APPBP2: variants seen among roughly 807,000 people sequenced by gnomAD.
APPBP2 encodes amyloid protein-binding protein 2.
In APPBP2, 15 loss-of-function variants were observed where a neutral mutation model predicts 76.0. That is an observed-to-expected ratio of 0.20 (90% CI 0.13 to 0.30). The LOEUF is 0.30. APPBP2 is among the 10% of genes least tolerant of loss of function. The pLI is 1.00. For synonymous variants in APPBP2, 222 were observed against 242.2 expected (o/e 0.92, Z 0.77); for missense variants, 401 against 687.2 (o/e 0.58, Z 4.66).
intron 1 of APPBP2, among the ~76,000 whole-genome samples, chr17:60,512,956 T>TC (rs2090928323): frequency 5.1e-5 from 7 of 136,998 alleles, no homozygotes; most frequent in Admixed American, 4.7e-4. Context: ...ATTTTTCTTT[T>TC]CCTTTTTTTT....
intron 3 of APPBP2, among the ~76,000 whole-genome samples, chr17:60,485,137 T>C (rs992442419): frequency 2.6e-5 from 4 of 152,214 alleles, no homozygotes; most frequent in African/African-American, 9.6e-5. Context: ...TTCGCATCGA[T>C]GTTCATCAGG....
At chr17:60,507,433 G>A (rs2090877491) in intron 1 of APPBP2, among the ~76,000 whole-genome samples, 3 of 152,176 alleles carry the variant, frequency 2.0e-5, no homozygotes, top group Admixed American at 2.0e-4. Flanking sequence ...TGTTGGCCAG[G>A]CTGGTCTAGA....
chr17:60,479,346 A>G (rs770767414), intron 3 of APPBP2, 75 bp from the exon 4 acceptor site: 1 of 1,388,450 alleles, frequency 7.2e-7, no homozygotes, highest in Non-Finnish European at 9.7e-7. Flanking sequence ...GCTGACAGTG[A>G]ATATTACCTA....
intron 10 of APPBP2, 68 bp downstream of exon 10, chr17:60,456,224 TAAAC>T: frequency 9.3e-7 from 1 of 1,071,074 alleles, no homozygotes. Flanking sequence ...TCTGAGAAAA[TAAAC>T]AAATACCCCT....
chr17:60,458,349 G>A lies in APPBP2; in HGVS notation c.1062-1968C>T, dbSNP rs138161913. On this transcript the variant is annotated intron_variant, in intron 9 of 12. Transcript: ENST00000083182. Reference sequence around the variant, plus strand: ...CTCAGGTGGCTGAGACAGGAGAATCGCTTGAACCTGGGAGGTGGAGAGTGC... The same window carrying A: ...CTCAGGTGGCTGAGACAGGAGAATCACTTGAACCTGGGAGGTGGAGAGTGC... 2.0e-3 allele frequency among the ~76,000 whole-genome samples: 307 copies of A among 151,778 alleles called. 5 individuals carry two copies. In the East Asian group the frequency reaches 0.048, roughly 24 times the overall value.
rs116633776 is a variant in APPBP2, at chr17:60,518,422, T to G, written c.138+7372A>C. 5.9e-3 allele frequency among the ~76,000 whole-genome samples: 792 copies of G among 133,418 alleles called. 26 individuals carry two copies. Among genetic ancestry groups the G allele is most frequent in the African/African-American group, 0.024 (714 of 29,582 alleles). 87.5% of individuals were successfully genotyped at this position (133,418 alleles called of 152,430 possible). ...GTGTAAGAGAGAGAGACAGCTAGTCTTGAACTCTTAGGCTTAAACAATCTG... is the reference window on the plus strand; with the variant it reads ...GTGTAAGAGAGAGAGACAGCTAGTCGTGAACTCTTAGGCTTAAACAATCTG... On this transcript the variant is annotated intron_variant, in intron 1 of 12. Coordinates refer to ENST00000083182, the MANE Select transcript of APPBP2 (RefSeq NM_006380.5).
In APPBP2 at chr17:60,456,398, T is replaced by C. The variant is rs199795790; in HGVS notation, c.1062-17A>G. The C allele has an allele frequency of 2.0e-6, 3 of 1,465,568 alleles. No homozygotes were observed. Among genetic ancestry groups the C allele is most frequent in the Non-Finnish European group, 2.9e-6 (3 of 1,046,480 alleles). The allele number at this position is 1,465,568 out of a possible 1,614,324, so 90.8% of individuals were successfully genotyped here. On this transcript the variant is annotated splice_polypyrimidine_tract_variant and intron_variant, in intron 9 of 12. Coordinates refer to ENST00000083182, the MANE Select transcript of APPBP2 (RefSeq NM_006380.5). ...GCATGAAATCTGTAATACAGATAGA[T>C]ACAGTCTGGCATTTCTTTTTAGTTA...
intron 9 of APPBP2, among the ~76,000 whole-genome samples, chr17:60,459,304 A>G (rs1276118603): frequency 6.6e-6 from 1 of 152,078 alleles, no homozygotes. Context: ...AGTGCTTTTT[A>G]ATATTTTTCT....
intron 3 of APPBP2, among the ~76,000 whole-genome samples, chr17:60,494,216 C>T (rs2090754294): frequency 6.6e-6 from 1 of 152,184 alleles, no homozygotes; most frequent in East Asian, 1.9e-4. Context: ...AGTTACTCAA[C>T]TTTTCTGAGT....
At chr17:60,487,059 A>G (rs987530214) in intron 3 of APPBP2, among the ~76,000 whole-genome samples, 4 of 152,124 alleles carry the variant, frequency 2.6e-5, no homozygotes, top group Non-Finnish European at 5.9e-5. Flanking sequence ...CTGCTGAGAG[A>G]TCCACGGTTA....
intron 3 of APPBP2, among the ~76,000 whole-genome samples, chr17:60,489,130 G>C (rs1028957114): frequency 4.6e-5 from 7 of 151,894 alleles, no homozygotes; most frequent in African/African-American, 1.7e-4. Flanking sequence ...GCTGAGGCAG[G>C]AGAATGGCTT....
intron 3 of APPBP2, among the ~76,000 whole-genome samples, chr17:60,491,433 A>C (rs2143422281): frequency 6.6e-6 from 1 of 151,840 alleles, no homozygotes; most frequent in Non-Finnish European, 1.5e-5. Context: ...TTTTATTTTT[A>C]TTTTTTTGAG....
At chr17:60,505,986 CTTTT>C (rs113337317) in intron 1 of APPBP2, among the ~76,000 whole-genome samples, 1 of 146,610 alleles carries the variant, frequency 6.8e-6, no homozygotes, top group East Asian at 2.0e-4. Flanking sequence ...CCTGGCCTTT[CTTTT>C]TTTTTTCTCC....
chr17:60,494,070 G>A (rs1322711043), intron 3 of APPBP2, among the ~76,000 whole-genome samples: 1 of 152,224 alleles, frequency 6.6e-6, no homozygotes, highest in Non-Finnish European at 1.5e-5. Flanking sequence ...AAAGGATGAA[G>A]TTCTCTGCCA....
At chr17:60,519,647 AAGG>A (rs1468922301) in intron 1 of APPBP2, among the ~76,000 whole-genome samples, 1 of 152,048 alleles carries the variant, frequency 6.6e-6, no homozygotes, top group Non-Finnish European at 1.5e-5. Context: ...TGGGAGACAG[AAGG>A]AGGACTTGTC....
chr17:60,511,908 A>G (rs563316640), intron 1 of APPBP2, among the ~76,000 whole-genome samples: 4 of 152,182 alleles, frequency 2.6e-5, no homozygotes, highest in African/African-American at 7.2e-5. Context: ...CACATTTTTA[A>G]AATTTTTAAC....
intron 1 of APPBP2, among the ~76,000 whole-genome samples, chr17:60,524,569 A>G (rs2091035104): frequency 1.4e-5 from 2 of 147,226 alleles, no homozygotes; most frequent in South Asian, 2.3e-4. Context: ...GGTGCAAAGC[A>G]GCTGGATTTA....
intron 3 of APPBP2, among the ~76,000 whole-genome samples, chr17:60,481,484 A>C (rs1052309553): frequency 2.0e-5 from 3 of 152,212 alleles, no homozygotes; most frequent in Non-Finnish European, 2.9e-5. Context: ...GAAATGAACT[A>C]TTCAGATATA....
chr17:60,499,038 G>C (rs1447412170), intron 2 of APPBP2, among the ~76,000 whole-genome samples: 2 of 152,004 alleles, frequency 1.3e-5, no homozygotes, highest in East Asian at 3.9e-4. Context: ...AGGTGTAATG[G>C]AATTTTAAAA....
Sources: gnomAD v4.1 joint callset for allele counts (sites outside exome capture counted in the v4.1 genomes callset) on GRCh38, gnomAD v4.1.1 for gene constraint, MANE v1.5 for transcripts, NCBI Gene and HGNC (gene_info 2026-07-23, HGNC 2026-07-21) for gene names.